Variants in KCNK15 observed in about 807,000 individuals in gnomAD.
The protein encoded by KCNK15 is potassium two pore domain channel subfamily K member 15, also known as potassium channel subfamily K member 15.
A neutral mutation model predicts 8.5 loss-of-function variants in KCNK15; 9 were observed. That is an observed-to-expected ratio of 1.06 (90% CI 0.64 to 1.85). The LOEUF is 1.85. KCNK15 is among the 40% of genes most tolerant of loss of function. KCNK15 has a pLI of 0.00. For synonymous variants in KCNK15, 224 were observed against 232.7 expected (o/e 0.96, Z 0.34); for missense variants, 467 against 476.8 (o/e 0.98, Z 0.19).
rs769196874 is a variant in KCNK15 at position 44,750,746 on chromosome 20, C to T, written c.901C>T (p.Arg301Cys). ...CGTGCACAAGCTGGAGAGGTGCGCC[C>T]GCGACAACCTGGGCTTTTCGCCCCC... ...CHVHKLERCA[R>C]DNLGFSPPSS... The change falls in exon 2 of 2, where the codon CGC becomes TGC. Residue 301 changes from arginine (R) to cysteine (C), a missense_variant. This residue lies in a region of KCNK15 where 455 missense variants were observed against 441.2 expected (regional missense o/e 1.03). Transcript: ENST00000372861. 27 of 1,519,114 alleles carry T rather than the reference C, an allele frequency of 1.8e-5. No homozygotes were observed. Among genetic ancestry groups the T allele is most frequent in the African/African-American group, 9.8e-5 (7 of 71,350 alleles). 94.1% of individuals were successfully genotyped at this position (1,519,114 alleles called of 1,614,324 possible). A position where few individuals can be genotyped will look rare whatever the true frequency, so the allele number is the denominator to read the frequency against.
chr20:44,750,142 C>T lies in KCNK15; in HGVS notation c.297C>T (p.Ala99=). The change falls in exon 2 of 2, where the codon GCC becomes GCT. Residue 99 remains alanine, a synonymous_variant. Coordinates refer to ENST00000372861, the MANE Select transcript of KCNK15 (RefSeq NM_022358.4). ...CTCCCTGCATAGAGTACGGCCACGC[C>T]GCGCCGGGTACGGACTCCGGCAAGG... ...TVITTIEYGH[A]APGTDSGKVF... is the part of the protein sequence containing the mutation. 1 of 1,609,446 alleles carries T rather than the reference C, an allele frequency of 6.2e-7. No individual in the cohort carries two copies. The highest frequency in any genetic ancestry group is 8.5e-7 in the Non-Finnish European group (1 of 1,178,716).
At position 44,750,179 on chromosome 20, in the gene KCNK15, T is replaced by C; in HGVS notation, c.334T>C (p.Phe112Leu). The C allele has an allele frequency of 6.2e-7, 1 of 1,612,814 alleles. No homozygotes were observed. The highest frequency in any genetic ancestry group is 8.5e-7 in the Non-Finnish European group (1 of 1,179,820). Residue 112 changes from phenylalanine to leucine, a missense_variant, in exon 2 of 2, where the codon TTC (phenylalanine) becomes CTC (leucine). Physicochemically the swap from Phe to Leu is conservative, Grantham distance 22. Around this residue, in one of 2 missense-constraint regions of KCNK15, gnomAD observed 455 missense variants for 441.2 expected, o/e 1.03. Coordinates refer to ENST00000372861, the MANE Select transcript of KCNK15 (RefSeq NM_022358.4). ...GGACTCCGGCAAGGTCTTCTGCATG[T>C]TCTACGCGCTCCTGGGCATCCCGCT... ...GTDSGKVFCM[F>L]YALLGIPLTL...
intron 1 of KCNK15, 91 bp downstream of exon 1, chr20:44,746,284 A>C: frequency 8.3e-7 from 1 of 1,200,510 alleles, no homozygotes; most frequent in Non-Finnish European, 1.1e-6. Context: ...GCCCCCGCCC[A>C]GCTGAGCTAC....
intron 1 of KCNK15, among the ~76,000 whole-genome samples, chr20:44,747,886 T>C (rs540232986): frequency 2.7e-4 from 41 of 150,500 alleles, no homozygotes; most frequent in African/African-American, 9.3e-4. Context: ...TGGTTAATAG[T>C]TCAGGCCCAT....
At position 44,750,478 on chromosome 20, in the gene KCNK15, C is replaced by T. The variant is rs2066025150; in HGVS notation, c.633C>T (p.Gly211=). ...GFGDFVALQS[G]EALQRKLPYV... ...GCGACTTCGTGGCACTGCAGAGCGG[C>T]GAGGCGCTGCAGAGGAAGCTCCCCT... The change falls in exon 2 of 2, where the codon GGC becomes GGT. Residue 211 remains glycine (G), a synonymous_variant. Coordinates refer to ENST00000372861, the MANE Select transcript of KCNK15 (RefSeq NM_022358.4). 1.9e-6 allele frequency: 3 copies of T among 1,614,004 alleles called. No homozygotes were observed. The highest frequency in any genetic ancestry group is 1.3e-5 in the African/African-American group (1 of 75,052).
chr20:44,750,587 G>C lies in KCNK15; in HGVS notation c.742G>C (p.Val248Leu). 6.2e-7 allele frequency: 1 copy of C among 1,608,356 alleles called. No individual in the cohort carries two copies. Reference protein sequence around the residue: ...FLNLVVLRFLVASADWPERAA... With the variant: ...FLNLVVLRFLLASADWPERAA... The stretch of plus-strand genomic sequence containing the variant: ...CAACCTGGTGGTCCTGCGCTTCCTC[G>C]TTGCCAGCGCCGACTGGCCCGAGCG... Residue 248 changes from valine to leucine, a missense_variant, in exon 2 of 2, where the codon GTT becomes CTT. Physicochemically the swap from Val to Leu is conservative, Grantham distance 32. Coordinates refer to ENST00000372861, the MANE Select transcript of KCNK15 (RefSeq NM_022358.4).
At position 44,750,256 on chromosome 20, in the gene KCNK15, G is replaced by A; in HGVS notation, c.411G>A (p.Arg137=). 1 of 1,607,680 alleles carries A rather than the reference G, an allele frequency of 6.2e-7. No individual in the cohort carries two copies. Among genetic ancestry groups the A allele is most frequent in the Admixed American group, 1.7e-5 (1 of 59,384 alleles). Reference sequence around the variant, plus strand: ...GCGAACGGCTGAACGCGGTGGTGCGGCGCCTCCTGTTGGCGGCCAAGTGCT... The same window carrying A: ...GCGAACGGCTGAACGCGGTGGTGCGACGCCTCCTGTTGGCGGCCAAGTGCT... ...SLGERLNAVV[R]RLLLAAKCCL... The change falls in exon 2 of 2, where the codon CGG becomes CGA. Residue 137 remains arginine (R), a synonymous_variant. Transcript: ENST00000372861.
chr20:44,746,094 C>G lies in KCNK15; in HGVS notation c.184C>G (p.Leu62Val). Residue 62 changes from leucine to valine, a missense_variant, in exon 1 of 2, where the codon CTG becomes GTG. Transcript: ENST00000372861. ...FGFSAEDYRE[L>V]ERLALQAEPH... ...CTTCTCGGCCGAGGACTACCGCGAG[C>G]TGGAGCGCCTGGCGCTCCAGGCTGA... is the stretch of plus-strand genomic sequence containing the variant. 6.6e-7 allele frequency: 1 copy of G among 1,521,528 alleles called. No individual in the cohort carries two copies. The highest frequency in any genetic ancestry group is 8.8e-7 in the Non-Finnish European group (1 of 1,131,212). 94.3% of individuals were successfully genotyped at this position (1,521,528 alleles called of 1,614,324 possible).
chr20:44,750,965 C>A lies in KCNK15; in HGVS notation c.*127C>A. On this transcript the variant is annotated 3_prime_UTR_variant, in exon 2 of 2. Coordinates refer to ENST00000372861, the MANE Select transcript of KCNK15 (RefSeq NM_022358.4). ...CGGTCTTCTGCCACGAGCAGTTTCT[C>A]ATTACTGTCTGTGGCTAAGTCCCCT... 1.7e-6 allele frequency: 1 copy of A among 603,436 alleles called. No homozygotes were observed. Among genetic ancestry groups the A allele is most frequent in the Non-Finnish European group, 2.6e-6 (1 of 388,928 alleles). 37.4% of individuals were successfully genotyped at this position (603,436 alleles called of 1,614,324 possible).
At chr20:44,747,823 T>C (rs2066013768) in intron 1 of KCNK15, among the ~76,000 whole-genome samples, 1 of 151,890 alleles carries the variant, frequency 6.6e-6, no homozygotes, top group South Asian at 2.1e-4. Context: ...TGCTGGTTAA[T>C]AGCTCAGGCC....
chr20:44,746,153 C>T lies in KCNK15; in HGVS notation c.243C>T (p.Pro81=). Residue 81 remains proline (P), a synonymous_variant, in exon 1 of 2, where the codon CCC becomes CCT. Transcript: ENST00000372861. ...PHRAGRQWKF[P]GSFYFAITVI... is the part of the protein sequence containing the mutation. ...GCGCCGGCCGCCAGTGGAAGTTCCC[C>T]GGCTCCTTCTACTTCGCCATCACCG... is the stretch of plus-strand genomic sequence containing the variant. The T allele has an allele frequency of 7.0e-7, 1 of 1,421,950 alleles. No homozygotes were observed. The highest frequency in any genetic ancestry group is 9.2e-7 in the Non-Finnish European group (1 of 1,081,286). The allele number at this position is 1,421,950 out of a possible 1,614,324, so 88.1% of individuals were successfully genotyped here.
rs2066005759 is a variant in KCNK15 at position 44,746,099 on chromosome 20, G to A, written c.189G>A (p.Glu63=). Residue 63 remains glutamate, a synonymous_variant, in exon 1 of 2, where the codon GAG becomes GAA. Transcript: ENST00000372861. ...GFSAEDYREL[E]RLALQAEPHR... ...CGGCCGAGGACTACCGCGAGCTGGAGCGCCTGGCGCTCCAGGCTGAGCCCC... is the reference window on the plus strand; with the variant it reads ...CGGCCGAGGACTACCGCGAGCTGGAACGCCTGGCGCTCCAGGCTGAGCCCC... 1 of 1,512,328 alleles carries A rather than the reference G, an allele frequency of 6.6e-7. No individual in the cohort carries two copies. Among genetic ancestry groups the A allele is most frequent in the Non-Finnish European group, 8.9e-7 (1 of 1,126,838 alleles). The allele number at this position is 1,512,328 out of a possible 1,614,324, so 93.7% of individuals were successfully genotyped here.
rs1388840677 is a variant in KCNK15 at position 44,746,100 on chromosome 20, C to A, written c.190C>A (p.Arg64Ser). 2.0e-6 allele frequency: 3 copies of A among 1,510,906 alleles called. No homozygotes were observed. The highest frequency in any genetic ancestry group is 1.8e-6 in the Non-Finnish European group (2 of 1,125,966). 93.6% of individuals were successfully genotyped at this position (1,510,906 alleles called of 1,614,324 possible). ...GGCCGAGGACTACCGCGAGCTGGAGCGCCTGGCGCTCCAGGCTGAGCCCCA... is the reference window on the plus strand; with the variant it reads ...GGCCGAGGACTACCGCGAGCTGGAGAGCCTGGCGCTCCAGGCTGAGCCCCA... ...FSAEDYRELE[R>S]LALQAEPHRA... The change falls in exon 1 of 2, where the codon CGC (arginine) becomes AGC (serine). Residue 64 changes from arginine (R) to serine (S), a missense_variant. Transcript: ENST00000372861.
chr20:44,746,302 G>A, intron 1 of KCNK15, 109 bp downstream of exon 1: 2 of 1,024,684 alleles, frequency 2.0e-6, no homozygotes, highest in Non-Finnish European at 2.6e-6. Context: ...TACTTTGGAC[G>A]GGTCATTTCG....
intron 1 of KCNK15, among the ~76,000 whole-genome samples, chr20:44,748,428 G>T (rs938909019): frequency 6.6e-6 from 1 of 152,090 alleles, no homozygotes; most frequent in African/African-American, 2.4e-5. Context: ...TTAAATGTAT[G>T]TAGTGCTGAT....
rs745603690 is a variant in KCNK15 at position 44,750,621 on chromosome 20, GCA to G, written c.778_779del (p.Thr260ProfsTer101). Reference sequence around the variant, plus strand: ...GCCGACTGGCCCGAGCGCGCTGCCCGCACCCCCAGCCCGCGCCCCCCGGGGGC... The same window carrying G: ...GCCGACTGGCCCGAGCGCGCTGCCCGCCCCCAGCCCGCGCCCCCCGGGGGC... On this transcript the variant is annotated frameshift_variant, in exon 2 of 2. Coordinates refer to ENST00000372861, the MANE Select transcript of KCNK15 (RefSeq NM_022358.4). LOFTEE classifies it low-confidence loss of function (END_TRUNC). The G allele has an allele frequency of 1.3e-6, 2 of 1,590,380 alleles. No individual in the cohort carries two copies. Among genetic ancestry groups the G allele is most frequent in the Non-Finnish European group, 1.7e-6 (2 of 1,173,004 alleles).
At chr20:44,749,275 C>A (rs2066019072) in intron 1 of KCNK15, among the ~76,000 whole-genome samples, 1 of 152,174 alleles carries the variant, frequency 6.6e-6, no homozygotes, top group African/African-American at 2.4e-5. Context: ...GCTCCTCTTT[C>A]CAGGAAAAGA....
At chr20:44,749,766 T>C (rs1026537350) in intron 1 of KCNK15, among the ~76,000 whole-genome samples, 8 of 152,222 alleles carry the variant, frequency 5.3e-5, no homozygotes, top group Non-Finnish European at 1.0e-4. Flanking sequence ...CACAGTTTTG[T>C]CATTTCCAGA....
chr20:44,746,183 C>A lies in KCNK15; in HGVS notation c.273C>A (p.Ile91=). ...PGSFYFAITV[I]TTIEYGHAAP... ...CCTTCTACTTCGCCATCACCGTCAT[C>A]ACTACCATCGGTGAGCCGCCCGGAG... The change falls in exon 1 of 2, where the codon ATC becomes ATA. Residue 91 remains isoleucine (I), a synonymous_variant. Coordinates refer to ENST00000372861, the MANE Select transcript of KCNK15 (RefSeq NM_022358.4). 1 of 1,394,350 alleles carries A rather than the reference C, an allele frequency of 7.2e-7. No homozygotes were observed. The highest frequency in any genetic ancestry group is 9.4e-7 in the Non-Finnish European group (1 of 1,067,230). 86.4% of individuals were successfully genotyped at this position (1,394,350 alleles called of 1,614,324 possible). A position where few individuals can be genotyped will look rare whatever the true frequency, so the allele number is the denominator to read the frequency against.
Sources: allele counts gnomAD v4.1 joint callset (sites outside exome capture counted in the v4.1 genomes callset), GRCh38; gene constraint gnomAD v4.1.1; regional missense constraint gnomAD v4.1.1; transcripts MANE v1.5; gene names NCBI Gene and HGNC (gene_info 2026-07-23, HGNC 2026-07-21).